The following MYH2 variants were observed in gnomAD, a reference collection of about 807,000 sequenced individuals.
MYH2 encodes myosin-2.
In MYH2, 139 loss-of-function variants were observed where a neutral mutation model predicts 228.1. The ratio of observed to expected loss-of-function variants is 0.61; its 90% CI spans 0.53 to 0.70. The LOEUF (loss-of-function observed/expected upper bound fraction) is 0.70. MYH2 is among the 30% of genes least tolerant of loss of function. The pLI is 0.00. For missense variants in MYH2, 1,809 were observed against 2,357.5 expected (o/e 0.77, Z 4.82); for synonymous variants, 796 against 871.1 (o/e 0.91, Z 1.52).
At position 10,543,770 on chromosome 17, in the gene MYH2, G is replaced by T. The variant is rs367639163; in HGVS notation, c.682C>A (p.Pro228Thr). 4.3e-6 allele frequency: 7 copies of T among 1,614,194 alleles called. No individual in the cohort carries two copies. The East Asian group carries it at 1.6e-4, about 36-fold the overall frequency. Reference sequence around the variant, plus strand: ...GCGTTGCCAAAGGCCTCCAGTAGGGGGTTGGCACTGATGATTTGATCTTCC... The same window carrying T: ...GCGTTGCCAAAGGCCTCCAGTAGGGTGTTGGCACTGATGATTTGATCTTCC... ...TLEDQIISAN[P>T]LLEAFGNAKT... Residue 228 changes from proline to threonine, a missense_variant, in exon 8 of 40, where the codon CCC becomes ACC. By Grantham distance (38) the Pro-to-Thr change is conservative. Coordinates refer to ENST00000245503, the MANE Select transcript of MYH2 (RefSeq NM_017534.6).
In MYH2 at chr17:10,527,830, A is replaced by G. The variant is rs1434225501; in HGVS notation, c.3789T>C (p.Ser1263=). ...KMCRTLEDQL[S]ELKSKEEEQQ... is the part of the protein sequence containing the mutation. Reference sequence around the variant, plus strand: ...GCTCCTCTTCCTTTGATTTCAGTTCACTCAGTTGGTCCTCTAGAGTCCGGC... The same window carrying G: ...GCTCCTCTTCCTTTGATTTCAGTTCGCTCAGTTGGTCCTCTAGAGTCCGGC... Residue 1263 remains serine (S), a synonymous_variant, in exon 28 of 40, where the codon AGT becomes AGC. Transcript: ENST00000245503. 1 of 1,613,850 alleles carries G rather than the reference A, an allele frequency of 6.2e-7. No individual in the cohort carries two copies. The highest frequency in any genetic ancestry group is 1.7e-5 in the Admixed American group (1 of 59,996).
chr17:10,547,691 T>C, intron 3 of MYH2, 26 bp downstream of exon 3: 1 of 1,614,196 alleles, frequency 6.2e-7, no homozygotes, highest in Non-Finnish European at 8.5e-7. Flanking sequence ...CAATAAAATG[T>C]GGCAAGCTCC....
chr17:10,527,713 C>G (rs2073370998), intron 28 of MYH2, 35 bp downstream of exon 28: 3 of 1,613,494 alleles, frequency 1.9e-6, no homozygotes, highest in East Asian at 2.2e-5. Context: ...CACATCCTCT[C>G]CACCCTGAAG....
At position 10,525,650 on chromosome 17, in the gene MYH2, A is replaced by T. The variant is rs751116843; in HGVS notation, c.4372-34T>A. 36 of 1,614,192 alleles carry T rather than the reference A, an allele frequency of 2.2e-5. No homozygotes were observed. The highest frequency in any genetic ancestry group is 3.1e-5 in the Non-Finnish European group (36 of 1,180,032). The stretch of plus-strand genomic sequence containing the variant: ...CCAAGACCTGTTACCTGCTGCAAAG[A>T]CAAAAGAGTAGAGTAAAGAGCAGAA... On this transcript the variant is annotated intron_variant, in intron 31 of 39. Coordinates refer to ENST00000245503, the MANE Select transcript of MYH2 (RefSeq NM_017534.6). The surrounding 1 kb of genome is among the most constrained non-coding windows in gnomAD (Gnocchi z 4.2).
In MYH2 at chr17:10,523,146, A is replaced by C. The variant is rs972983125; in HGVS notation, c.5617T>G (p.Leu1873Val). 1.9e-6 allele frequency: 3 copies of C among 1,613,948 alleles called. No individual in the cohort carries two copies. Among genetic ancestry groups the C allele is most frequent in the Non-Finnish European group, 2.5e-6 (3 of 1,179,932 alleles). Residue 1873 changes from leucine (L) to valine (V), a missense_variant, in exon 39 of 40, where the codon TTG becomes GTG. Physicochemically the swap from Leu to Val is conservative, Grantham distance 32 (BLOSUM62 1). Coordinates refer to ENST00000245503, the MANE Select transcript of MYH2 (RefSeq NM_017534.6). ...DRKNILRLQDLVDKLQAKVKS... is the reference protein window; with the variant it reads ...DRKNILRLQDVVDKLQAKVKS... ...ACTTTTGCCTGAAGTTTATCTACCA[A>C]ATCTTGAAGCCTGAGAATATTCTTT... is the stretch of plus-strand genomic sequence containing the variant.
intron 29 of MYH2, 56 bp from the exon 30 acceptor site, chr17:10,526,851 C>A: frequency 6.2e-7 from 1 of 1,614,100 alleles, no homozygotes; most frequent in Non-Finnish European, 8.5e-7. Flanking sequence ...TAACTCTTAA[C>A]TTTCAAAACC....
rs1859449335 is a variant in MYH2, at chr17:10,531,883, GC to G, written c.2446del (p.Ala816ProfsTer13). The G allele has an allele frequency of 6.2e-7, 1 of 1,613,940 alleles. No homozygotes were observed. The highest frequency in any genetic ancestry group is 1.3e-5 in the African/African-American group (1 of 74,904). On this transcript the variant is annotated frameshift_variant, in exon 22 of 40. Coordinates refer to ENST00000245503, the MANE Select transcript of MYH2 (RefSeq NM_017534.6). LOFTEE classifies it high-confidence loss of function. ...GATATTGTACTGGATACAGAAGATG[GC>G]CTCCCTGAAATTTAATTGATGCAAA... ...EYQRMVERRE[A>X]IFCIQYNIRS...
chr17:10,530,527 C>A (rs1198143454), intron 22 of MYH2, among the ~76,000 whole-genome samples: 1 of 131,050 alleles, frequency 7.6e-6, no homozygotes, highest in African/African-American at 2.7e-5. Context: ...GATACAGCTG[C>A]TACTGATTTT....
intron 14 of MYH2, among the ~76,000 whole-genome samples, chr17:10,538,105 C>T (rs2073504592): frequency 1.3e-5 from 2 of 152,028 alleles, no homozygotes. Context: ...CAGGTATTTT[C>T]CTGAGTACCT....
In MYH2 at chr17:10,524,034, T is replaced by A. The variant is rs1415201994; in HGVS notation, c.5176-150A>T. 2 of 754,706 alleles carry A rather than the reference T, an allele frequency of 2.7e-6. No homozygotes were observed. Among genetic ancestry groups the A allele is most frequent in the East Asian group, 5.5e-5 (2 of 36,206 alleles). The allele number at this position is 754,706 out of a possible 1,614,324, so 46.8% of individuals were successfully genotyped here. A position where few individuals can be genotyped will look rare whatever the true frequency, so the allele number is the denominator to read the frequency against. On this transcript the variant is annotated intron_variant, in intron 35 of 39. Coordinates refer to ENST00000245503, the MANE Select transcript of MYH2 (RefSeq NM_017534.6). The surrounding 1 kb of genome is among the most constrained non-coding windows in gnomAD (Gnocchi z 4.7). ...TAAAGGATTGTGTTATGTAATATGA[T>A]TAAATAAAATATAAATGTTATAGAA...
rs1377624058 is a variant in MYH2 at position 10,537,986 on chromosome 17, A to C, written c.1417-151T>G. 3 of 1,410,336 alleles carry C rather than the reference A, an allele frequency of 2.1e-6. No individual in the cohort carries two copies. Among genetic ancestry groups the C allele is most frequent in the Non-Finnish European group, 2.9e-6 (3 of 1,043,848 alleles). The allele number at this position is 1,410,336 out of a possible 1,614,324, so 87.4% of individuals were successfully genotyped here. On this transcript the variant is annotated intron_variant, in intron 14 of 39. Coordinates refer to ENST00000245503, the MANE Select transcript of MYH2 (RefSeq NM_017534.6). This position sits in a 1 kb window ranked among gnomAD's most constrained non-coding sequence, Gnocchi z 4.0. Reference sequence around the variant, plus strand: ...TAAAGAGACTTTGAAATAAAAGGTGAAAAGTATGGAAGGTTTGAGGGCATG... The same window carrying C: ...TAAAGAGACTTTGAAATAAAAGGTGCAAAGTATGGAAGGTTTGAGGGCATG...
intron 28 of MYH2, 143 bp downstream of exon 28, chr17:10,527,605 G>C: frequency 7.8e-7 from 1 of 1,274,114 alleles, no homozygotes; most frequent in South Asian, 1.2e-5. Flanking sequence ...AGATGACCTT[G>C]CACATAGGTC....
In MYH2 at chr17:10,543,738, G is replaced by T; in HGVS notation, c.714C>A (p.Thr238=). 1.2e-6 allele frequency: 2 copies of T among 1,614,188 alleles called. No individual in the cohort carries two copies. The highest frequency in any genetic ancestry group is 8.5e-7 in the Non-Finnish European group (1 of 1,180,018). ...PLLEAFGNAK[T]VRNDNSSRFG... Reference sequence around the variant, plus strand: ...AGCGAGAGGAGTTGTCATTCCTCACGGTCTTGGCGTTGCCAAAGGCCTCCA... The same window carrying T: ...AGCGAGAGGAGTTGTCATTCCTCACTGTCTTGGCGTTGCCAAAGGCCTCCA... Residue 238 remains threonine, a synonymous_variant, in exon 8 of 40, where the codon ACC becomes ACA. Coordinates refer to ENST00000245503, the MANE Select transcript of MYH2 (RefSeq NM_017534.6).
Position 10,545,341 on chromosome 17 carries a change from C to T in MYH2, c.505+5G>A. The T allele has an allele frequency of 6.2e-7, 1 of 1,613,388 alleles. No homozygotes were observed. Among genetic ancestry groups the T allele is most frequent in the Non-Finnish European group, 8.5e-7 (1 of 1,179,880 alleles). ...ACGCACTTGCAAAGCATTCGGCTCA[C>T]TCACCAGTCAGCATGAACTGATAGG... On this transcript the variant is annotated splice_donor_5th_base_variant and intron_variant, in intron 5 of 39. Coordinates refer to ENST00000245503, the MANE Select transcript of MYH2 (RefSeq NM_017534.6).
At chr17:10,534,582 A>G (rs2073461250) in intron 19 of MYH2, among the ~76,000 whole-genome samples, 1 of 152,244 alleles carries the variant, frequency 6.6e-6, no homozygotes, top group South Asian at 2.1e-4. Flanking sequence ...AATCCAATGA[A>G]AATTCCACAA....
rs2073651166 is a variant in MYH2, at chr17:10,547,528, C to T, written c.295G>A (p.Glu99Lys). The T allele has an allele frequency of 6.2e-7, 1 of 1,614,016 alleles. No individual in the cohort carries two copies. The highest frequency in any genetic ancestry group is 1.1e-5 in the South Asian group (1 of 91,080). The change falls in exon 4 of 40, where the codon GAG becomes AAG. Residue 99 changes from glutamate to lysine, a missense_variant. By Grantham distance (56) the Glu-to-Lys change is moderately conservative (BLOSUM62 1). This residue lies in a region of MYH2 where 373 missense variants were observed against 620.4 expected (regional missense o/e 0.60). Coordinates refer to ENST00000245503, the MANE Select transcript of MYH2 (RefSeq NM_017534.6). ...EDMAMMTHLH[E>K]PAVLYNLKER... ...TTGAGGTTGTACAGCACAGCAGGCT[C>T]ATGCAGATGAGTCATCATGGCCATA...
chr17:10,523,222 A>AAAGC (rs779855686), intron 38 of MYH2, 37 bp from the exon 39 acceptor site: 39 of 1,605,118 alleles, frequency 2.4e-5, no homozygotes, highest in Non-Finnish European at 2.8e-5. Context: ...CTTAATTACT[A>AAAGC]AAGCACATGA....
At position 10,523,122 on chromosome 17, in the gene MYH2, C is replaced by T. The variant is rs775106499; in HGVS notation, c.5641G>A (p.Val1881Met). 86 of 1,613,770 alleles carry T rather than the reference C, an allele frequency of 5.3e-5. No homozygotes were observed. The highest frequency in any genetic ancestry group is 7.0e-5 in the Non-Finnish European group (83 of 1,179,784). Residue 1881 changes from valine (V) to methionine (M), a missense_variant, in exon 39 of 40, where the codon GTG becomes ATG. Around this residue, in one of 9 missense-constraint regions of MYH2, gnomAD observed 278 missense variants for 308.5 expected, o/e 0.90. Transcript: ENST00000245503. The part of the protein sequence containing the change: ...QDLVDKLQAK[V>M]KSYKRQAEEA... ...TCAGCTTGTCTCTTATAAGATTTCA[C>T]TTTTGCCTGAAGTTTATCTACCAAA...
chr17:10,548,832 A>C (rs892555012), intron 2 of MYH2, among the ~76,000 whole-genome samples: 14 of 152,202 alleles, frequency 9.2e-5, no homozygotes, highest in Non-Finnish European at 1.5e-4. Context: ...TTACATGATC[A>C]AATTACTTGA....
Sources: gnomAD v4.1 joint callset for allele counts (sites outside exome capture counted in the v4.1 genomes callset) on GRCh38, gnomAD v4.1.1 for gene constraint, gnomAD v4.1.1 regional missense constraint, Gnocchi (gnomAD v3.1) non-coding constraint, MANE v1.5 for transcripts, NCBI Gene and HGNC (gene_info 2026-07-23, HGNC 2026-07-21) for gene names.